The following TASP1 variants were observed in gnomAD, a reference collection of about 807,000 sequenced individuals.
TASP1 encodes taspase 1.
In TASP1, 16 loss-of-function variants were observed where a neutral mutation model predicts 56.6. The ratio of observed to expected loss-of-function variants is 0.28; its 90% CI spans 0.19 to 0.43. The LOEUF (loss-of-function observed/expected upper bound fraction) is 0.43, where lower values mean the gene tolerates loss of function less well. Among genes scored for constraint, TASP1 ranks in the 20% least tolerant of loss-of-function variants. The pLI is 1.00. For missense variants in TASP1, 393 were observed against 511.6 expected (o/e 0.77, Z 2.24); for synonymous variants, 179 against 184.2 (o/e 0.97, Z 0.23).
chr20:13,629,523 G>T (rs1424426401), intron 2 of TASP1, among the ~76,000 whole-genome samples: 2 of 151,780 alleles, frequency 1.3e-5, no homozygotes, highest in African/African-American at 4.8e-5. Flanking sequence ...CCAGGCTGGA[G>T]CGCAGTGGCA....
chr20:13,612,654 C>T (rs1425457844), intron 4 of TASP1, among the ~76,000 whole-genome samples: 5 of 151,902 alleles, frequency 3.3e-5, no homozygotes, highest in Non-Finnish European at 7.4e-5. Context: ...ATCAGATAAC[C>T]AGCCCCCACA....
intron 13 of TASP1, chr20:13,393,661 C>T (rs892747337): frequency 1.5e-6 from 2 of 1,304,550 alleles, no homozygotes; most frequent in African/African-American, 2.9e-5. Context: ...GCCCACATGG[C>T]CTCCAAGGAA....
the TASP1 span, among the ~76,000 whole-genome samples, chr20:13,289,521 T>C: frequency 6.6e-6 from 1 of 152,214 alleles, no homozygotes; most frequent in South Asian, 2.1e-4. Flanking sequence ...TGATTGACTA[T>C]AGCAGTGGTT....
chr20:13,428,798 T>G (rs2042702669), intron 12 of TASP1, among the ~76,000 whole-genome samples: 1 of 150,936 alleles, frequency 6.6e-6, no homozygotes, highest in Non-Finnish European at 1.5e-5. Flanking sequence ...CCAATATTGT[T>G]TGTTTTTTTG....
the TASP1 span, chr20:13,110,238 A>G: frequency 6.2e-7 from 1 of 1,602,502 alleles, no homozygotes; most frequent in Non-Finnish European, 8.5e-7. Context: ...AACAGGACAC[A>G]TTTTACGACT....
chr20:13,498,762 C>T (rs987588281), intron 10 of TASP1, among the ~76,000 whole-genome samples: 9 of 147,834 alleles, frequency 6.1e-5, no homozygotes, highest in Admixed American at 2.0e-4. Flanking sequence ...GAGATACCAT[C>T]TCACACCAGT....
At chr20:13,350,037 G>A in the TASP1 span, among the ~76,000 whole-genome samples, 2 of 152,116 alleles carry the variant, frequency 1.3e-5, no homozygotes, top group Non-Finnish European at 2.9e-5. Context: ...TATAGTTCCA[G>A]CTACTCAGGA....
At chr20:13,121,556 G>A in the TASP1 span, among the ~76,000 whole-genome samples, 4 of 152,134 alleles carry the variant, frequency 2.6e-5, no homozygotes, top group South Asian at 6.2e-4. Context: ...CCAAATGGAC[G>A]TGGAAACCTC....
chr20:13,181,620 T>G, the TASP1 span, among the ~76,000 whole-genome samples: 9 of 152,168 alleles, frequency 5.9e-5, no homozygotes, highest in Non-Finnish European at 1.3e-4. Flanking sequence ...ATGGAAAGTG[T>G]CCGGTGTCTT....
At chr20:13,134,823 A>T in the TASP1 span, among the ~76,000 whole-genome samples, 1 of 152,214 alleles carries the variant, frequency 6.6e-6, no homozygotes, top group Non-Finnish European at 1.5e-5. Context: ...AGCCCGAAAG[A>T]GAAAAGCATG....
At chr20:13,575,050 A>T (rs2046848572) in intron 6 of TASP1, among the ~76,000 whole-genome samples, 1 of 152,206 alleles carries the variant, frequency 6.6e-6, no homozygotes, top group African/African-American at 2.4e-5. Context: ...TCATAAACAT[A>T]TATGTAAAAA....
At chr20:13,529,134 T>C (rs73899341) in intron 9 of TASP1, among the ~76,000 whole-genome samples, 3,129 of 152,190 alleles carry the variant, frequency 0.021, 111 homozygotes, top group African/African-American at 0.07. Flanking sequence ...CTGTGCTAGA[T>C]TCAGCCAGAT....
At chr20:13,279,551 C>A in the TASP1 span, 1 of 1,352,430 alleles carries the variant, frequency 7.4e-7, no homozygotes, top group Non-Finnish European at 1.0e-6. Context: ...TTTCCCTCTG[C>A]CCTCTCAGAC....
At chr20:13,125,303 G>A in the TASP1 span, among the ~76,000 whole-genome samples, 4 of 152,192 alleles carry the variant, frequency 2.6e-5, no homozygotes, top group Non-Finnish European at 5.9e-5. Context: ...ATTCTGGAGT[G>A]GCTCAGCATT....
chr20:13,421,396 C>T (rs575918314), intron 12 of TASP1, among the ~76,000 whole-genome samples: 50 of 151,424 alleles, frequency 3.3e-4, no homozygotes, highest in African/African-American at 9.7e-4. Flanking sequence ...TTTGTTTTTG[C>T]CATTTGGAGA....
chr20:13,326,186 G>A, the TASP1 span, among the ~76,000 whole-genome samples: 21 of 152,184 alleles, frequency 1.4e-4, no homozygotes, highest in African/African-American at 4.6e-4. Flanking sequence ...ATGTATGGAT[G>A]CACCAGAGCT....
At chr20:13,418,466 G>A (rs1327528480) in intron 12 of TASP1, among the ~76,000 whole-genome samples, 2 of 152,102 alleles carry the variant, frequency 1.3e-5, no homozygotes, top group Non-Finnish European at 2.9e-5. Context: ...ACTGAACAAA[G>A]TCAGAACCAG....
At chr20:13,161,342 C>T in the TASP1 span, among the ~76,000 whole-genome samples, 1 of 152,072 alleles carries the variant, frequency 6.6e-6, no homozygotes, top group Admixed American at 6.5e-5. Context: ...TGTCCATGGT[C>T]CACCTATAGA....
At chr20:13,383,336 T>TA in the TASP1 span, among the ~76,000 whole-genome samples, 1 of 152,154 alleles carries the variant, frequency 6.6e-6, no homozygotes, top group Non-Finnish European at 1.5e-5. Flanking sequence ...AAGGAGCAGT[T>TA]AGATTCAGCC....
Sources: allele counts gnomAD v4.1 joint callset (sites outside exome capture counted in the v4.1 genomes callset), GRCh38; gene constraint gnomAD v4.1.1; transcripts MANE v1.5; gene names NCBI Gene and HGNC (gene_info 2026-07-23, HGNC 2026-07-21).